The following PTPRM variants were observed in gnomAD, a reference collection of about 807,000 sequenced individuals.
PTPRM encodes receptor-type tyrosine-protein phosphatase mu.
A neutral mutation model predicts 186.7 loss-of-function variants in PTPRM; 47 were observed. The ratio of observed to expected loss-of-function variants is 0.25; its 90% confidence interval spans 0.20 to 0.32. The LOEUF is 0.32. Among genes scored for constraint, PTPRM ranks in the 10% least tolerant of loss-of-function variants. The pLI, the probability that PTPRM is intolerant of heterozygous loss-of-function variation, is 1.00. For synonymous variants in PTPRM, 668 were observed against 674.9 expected, an observed-to-expected ratio of 0.99 and a Z score of 0.16; for missense variants, 1,494 against 1,865.0, an observed-to-expected ratio of 0.80 and a Z score of 3.66.
intron 1 of PTPRM, among the ~76,000 whole-genome samples, chr18:7,696,915 TG>T (rs1292278714): frequency 6.6e-6 from 1 of 152,184 alleles, no homozygotes; most frequent in African/African-American, 2.4e-5. Flanking sequence ...GGCCTGTCGA[TG>T]GGGGTGTCTT....
chr18:8,206,729 T>G (rs1412285353), intron 14 of PTPRM, among the ~76,000 whole-genome samples: 1 of 152,082 alleles, frequency 6.6e-6, no homozygotes, highest in Admixed American at 6.6e-5. Flanking sequence ...AAATGGAAAT[T>G]TTCAAAGTAA....
intron 2 of PTPRM, among the ~76,000 whole-genome samples, chr18:7,845,637 G>A (rs1307219101): frequency 1.3e-5 from 2 of 152,134 alleles, no homozygotes; most frequent in East Asian, 3.9e-4. Context: ...TCACATTTAT[G>A]GACAACATTC....
At chr18:8,108,441 A>C (rs16952890) in intron 11 of PTPRM, among the ~76,000 whole-genome samples, 5,346 of 152,268 alleles carry the variant, frequency 0.035, 301 homozygotes, top group African/African-American at 0.12. Context: ...TGGTGAAAAG[A>C]AATACGATAA....
At position 8,147,188 on chromosome 18, in the gene PTPRM, G is replaced by A. The variant is rs1046380867; in HGVS notation, c.2300+3409G>A. Among the ~76,000 whole-genome samples, 10 of 152,278 alleles carry A rather than the reference G, an allele frequency of 6.6e-5. 1 individual carries two copies. The South Asian group carries it at 1.5e-3, about 22-fold the overall frequency. On this transcript the variant is annotated intron_variant, in intron 14 of 32. Transcript: ENST00000580170. ...AGTTTTTTCCAATTCTATGAAGAAC[G>A]TCAATGGTAGCTTGATGGAGATAGC...
chr18:7,955,443 G>T (rs1179126389), intron 7 of PTPRM, 29 bp downstream of exon 7: 1 of 1,585,284 alleles, frequency 6.3e-7, no homozygotes, highest in Non-Finnish European at 8.6e-7. Flanking sequence ...GCAATTAATT[G>T]TCATTGTCTT....
chr18:7,833,790 A>G (rs1022504575), intron 2 of PTPRM, among the ~76,000 whole-genome samples: 44 of 151,190 alleles, frequency 2.9e-4, no homozygotes, highest in African/African-American at 1.0e-3. Context: ...AACAAAAGCA[A>G]TGCATATTGA....
At chr18:7,602,924 A>ATTATTC (rs140788436) in intron 1 of PTPRM, among the ~76,000 whole-genome samples, 1 of 147,370 alleles carries the variant, frequency 6.8e-6, no homozygotes, top group Non-Finnish European at 1.5e-5. Context: ...TATTATTATT[A>ATTATTC]TTATTATTAT....
chr18:8,065,117 T>C (rs1197416759), intron 7 of PTPRM, among the ~76,000 whole-genome samples: 3 of 152,210 alleles, frequency 2.0e-5, no homozygotes, highest in South Asian at 2.1e-4. Flanking sequence ...TATACCCAAA[T>C]ATCTCTCACA....
intron 6 of PTPRM, among the ~76,000 whole-genome samples, chr18:7,950,852 T>C (rs1376618784): frequency 6.6e-6 from 1 of 152,168 alleles, no homozygotes; most frequent in African/African-American, 2.4e-5. Context: ...CACACCCATA[T>C]TGAGTCAGAA....
At chr18:7,745,636 G>A (rs1184506909) in intron 1 of PTPRM, among the ~76,000 whole-genome samples, 1 of 152,160 alleles carries the variant, frequency 6.6e-6, no homozygotes, top group African/African-American at 2.4e-5. Flanking sequence ...AGTGCCCCTA[G>A]CATATGTACT....
At chr18:7,705,389 C>T (rs960176812) in intron 1 of PTPRM, among the ~76,000 whole-genome samples, 4 of 149,374 alleles carry the variant, frequency 2.7e-5, no homozygotes, top group African/African-American at 1.0e-4. Flanking sequence ...TCCTATCTGC[C>T]TCTCTCTTTC....
intron 17 of PTPRM, among the ~76,000 whole-genome samples, chr18:8,252,176 A>C (rs2094533862): frequency 2.6e-5 from 4 of 152,212 alleles, no homozygotes; most frequent in Admixed American, 2.6e-4. Context: ...TTGTTCAAGA[A>C]ATTTAAATGA....
At chr18:8,187,050 G>T (rs981703622) in intron 14 of PTPRM, among the ~76,000 whole-genome samples, 9 of 151,456 alleles carry the variant, frequency 5.9e-5, no homozygotes, top group African/African-American at 2.2e-4. Flanking sequence ...AGCAATTCTC[G>T]TCTGTCAGCC....
At chr18:8,345,998 T>C (rs1172430356) in intron 23 of PTPRM, among the ~76,000 whole-genome samples, 1 of 152,204 alleles carries the variant, frequency 6.6e-6, no homozygotes, top group Non-Finnish European at 1.5e-5. Flanking sequence ...ACTATGGGGC[T>C]ATTATGCAAA....
At chr18:8,388,428 C>A (rs28631559) in intron 31 of PTPRM, among the ~76,000 whole-genome samples, 2 of 152,146 alleles carry the variant, frequency 1.3e-5, no homozygotes, top group African/African-American at 2.4e-5. Context: ...CACCTCCTAC[C>A]CCGGGCCTGC....
chr18:7,750,955 C>CT lies in PTPRM; in HGVS notation c.74-23194_74-23193insT. ...ATGCACCAAATGGCTCCAGGTGAACCCCCCCCCTCCATTCCACATAGCCCC... is the reference window on the plus strand; with the variant it reads ...ATGCACCAAATGGCTCCAGGTGAACCTCCCCCCCTCCATTCCACATAGCCCC... On this transcript the variant is annotated intron_variant, in intron 1 of 32. Transcript: ENST00000580170. 5 of 139,692 alleles carry CT rather than the reference C, an allele frequency of 3.6e-5. No individual in the cohort carries two copies. In the Admixed American group the frequency reaches 3.6e-4, roughly 10 times the overall value. The allele number at this position is 139,692 out of a possible 1,614,324, so 8.7% of individuals were successfully genotyped here. A position where few individuals can be genotyped will look rare whatever the true frequency, so the allele number is the denominator to read the frequency against.
chr18:7,985,069 A>G (rs1326941295), intron 7 of PTPRM, among the ~76,000 whole-genome samples: 2 of 129,214 alleles, frequency 1.5e-5, no homozygotes, highest in Admixed American at 1.7e-4. Context: ...ATATAATTGT[A>G]TATACATATA....
At chr18:8,355,198 G>A (rs547268318) in intron 23 of PTPRM, among the ~76,000 whole-genome samples, 9 of 152,292 alleles carry the variant, frequency 5.9e-5, no homozygotes, top group East Asian at 5.8e-4. Context: ...ATGAAATTCC[G>A]TGATAAAGGT....
intron 7 of PTPRM, among the ~76,000 whole-genome samples, chr18:8,063,732 T>C (rs1568277577): frequency 6.6e-6 from 1 of 152,222 alleles, no homozygotes; most frequent in Non-Finnish European, 1.5e-5. Context: ...ACAAGCTTTT[T>C]ACTTAAAAAT....
Sources: gnomAD v4.1 joint callset for allele counts (sites outside exome capture counted in the v4.1 genomes callset) on GRCh38, gnomAD v4.1.1 for gene constraint, MANE v1.5 for transcripts, NCBI Gene and HGNC (gene_info 2026-07-23, HGNC 2026-07-21) for gene names.